VWA5B1: variants seen among roughly 807,000 people sequenced by gnomAD.
VWA5B1 encodes the protein von Willebrand factor A domain-containing protein 5B1.
VWA5B1 carries 115 observed loss-of-function variants against 118.2 expected under a neutral mutation model. The ratio of observed to expected loss-of-function variants is 0.97; its 90% CI spans 0.84 to 1.14. VWA5B1 has a LOEUF of 1.14. Ranked by LOEUF, VWA5B1 falls within the 50% of genes most tolerant of loss-of-function variation. VWA5B1 has a pLI of 0.00. For missense variants in VWA5B1, 1,596 were observed against 1,603.8 expected, an observed-to-expected ratio of 1.00 and a Z score of 0.08; for synonymous variants, 682 against 658.4, an observed-to-expected ratio of 1.04 and a Z score of -0.55.
intron 21 of VWA5B1, among the ~76,000 whole-genome samples, chr1:20,352,643 GTGGGCT>G (rs916207943): frequency 2.0e-5 from 3 of 152,192 alleles, no homozygotes; most frequent in Non-Finnish European, 2.9e-5. Flanking sequence ...CAGGTCTGGA[GTGGGCT>G]TCTCTGAATT....
At chr1:20,348,642 A>G (rs918025093) in intron 18 of VWA5B1, among the ~76,000 whole-genome samples, 2 of 152,162 alleles carry the variant, frequency 1.3e-5, no homozygotes, top group Non-Finnish European at 2.9e-5. Context: ...AGGTCTGCTG[A>G]CCCTGGTGCT....
intron 8 of VWA5B1, among the ~76,000 whole-genome samples, chr1:20,326,383 G>C (rs1026013723): frequency 5.9e-5 from 9 of 152,192 alleles, no homozygotes; most frequent in Middle Eastern, 6.8e-3. Flanking sequence ...GGGGGACATG[G>C]GGGTGAGGGG....
At chr1:20,351,147 T>C (rs565812590) in intron 20 of VWA5B1, among the ~76,000 whole-genome samples, 2 of 152,364 alleles carry the variant, frequency 1.3e-5, no homozygotes, top group South Asian at 2.1e-4. Context: ...CCAAGATCTC[T>C]TTCCAAATGC....
At chr1:20,309,246 G>A (rs534323152) in intron 1 of VWA5B1, among the ~76,000 whole-genome samples, 8 of 152,212 alleles carry the variant, frequency 5.3e-5, no homozygotes, top group African/African-American at 1.2e-4. Flanking sequence ...CGTGTGTAGC[G>A]CCTATGCTCA....
At chr1:20,332,620 A>C (rs772893292) in intron 11 of VWA5B1, 146 bp from the exon 12 acceptor site, 4 of 624,770 alleles carry the variant, frequency 6.4e-6, no homozygotes, top group Non-Finnish European at 1.0e-5. Context: ...GAAGCTCAGA[A>C]GTGTGCTCAG....
chr1:20,330,559 G>A (rs1216728166), intron 10 of VWA5B1, among the ~76,000 whole-genome samples, 177 bp downstream of exon 10: 3 of 152,230 alleles, frequency 2.0e-5, no homozygotes, highest in Non-Finnish European at 2.9e-5. Flanking sequence ...TCCCTCTCAA[G>A]TTCTGAATGG....
chr1:20,310,756 G>T lies in VWA5B1; in HGVS notation c.139+16G>T. ...CCCTTCCAGGGTAAGGACACCTGCT[G>T]GGGCCTCCCCGGGACCACCCCCTCC... On this transcript the variant is annotated intron_variant, in intron 2 of 21. Transcript: ENST00000289815. The T allele has an allele frequency of 6.5e-7, 1 of 1,530,946 alleles. No homozygotes were observed. Among genetic ancestry groups the T allele is most frequent in the Non-Finnish European group, 8.8e-7 (1 of 1,138,930 alleles). The allele number at this position is 1,530,946 out of a possible 1,614,324, so 94.8% of individuals were successfully genotyped here.
intron 16 of VWA5B1, among the ~76,000 whole-genome samples, 183 bp downstream of exon 16, chr1:20,343,576 T>C (rs2089938539): frequency 9.3e-6 from 1 of 107,784 alleles, no homozygotes. Flanking sequence ...CCGCCTACTC[T>C]CCCTATGACC....
chr1:20,350,379 A>G (rs1301561177), intron 19 of VWA5B1, 149 bp downstream of exon 19: 7 of 901,538 alleles, frequency 7.8e-6, no homozygotes, highest in East Asian at 5.3e-5. Context: ...ATTATCCCCA[A>G]TTGAAAGATG....
intron 1 of VWA5B1, among the ~76,000 whole-genome samples, chr1:20,303,569 G>A (rs779465662): frequency 1.2e-4 from 19 of 152,100 alleles, no homozygotes; most frequent in Non-Finnish European, 2.2e-4. Context: ...TCAAGAATAC[G>A]CAAAATGTGA....
In VWA5B1 at chr1:20,336,505, T is replaced by G. The variant is rs542409154; in HGVS notation, c.1942+19T>G. ...AAGCACGGTTCGTCTGCGGCTCTGA[T>G]GATTGCTGCCTTACATTGAGCACTT... is the stretch of plus-strand genomic sequence containing the variant. On this transcript the variant is annotated intron_variant, in intron 13 of 21. Transcript: ENST00000289815. 15 of 1,348,570 alleles carry G rather than the reference T, an allele frequency of 1.1e-5. No individual in the cohort carries two copies. The highest frequency in any genetic ancestry group is 5.8e-5 in the East Asian group (2 of 34,728). 83.5% of individuals were successfully genotyped at this position (1,348,570 alleles called of 1,614,324 possible). A position where few individuals can be genotyped will look rare whatever the true frequency, so the allele number is the denominator to read the frequency against.
chr1:20,310,543 C>T, intron 1 of VWA5B1, 33 bp from the exon 2 acceptor site: 1 of 1,457,612 alleles, frequency 6.9e-7, no homozygotes, highest in Non-Finnish European at 9.1e-7. Context: ...GGGGGAGCCT[C>T]TTCCCACTTC....
chr1:20,297,147 TTACTCCCTTTG>T (rs2088420100), intron 1 of VWA5B1, among the ~76,000 whole-genome samples: 1 of 152,200 alleles, frequency 6.6e-6, no homozygotes, highest in Non-Finnish European at 1.5e-5. Context: ...CTTCCACCTC[TTACTCCCTTTG>T]GATACCATGG....
intron 7 of VWA5B1, among the ~76,000 whole-genome samples, chr1:20,320,548 C>T (rs1366380677): frequency 6.6e-6 from 1 of 152,198 alleles, no homozygotes; most frequent in East Asian, 1.9e-4. Context: ...CCAGTGGGGC[C>T]CAGTGGGCCT....
Position 20,356,644 on chromosome 1 carries a change from C to T in VWA5B1, c.*2381C>T, listed in dbSNP as rs921958668. ...GGTGGTGGGCATGCCACCCACTTCT[C>T]TAGGAAAGTTCCTCAGACTGCTCCC... On this transcript the variant is annotated 3_prime_UTR_variant, in exon 22 of 22. Coordinates refer to ENST00000289815, the MANE Select transcript of VWA5B1 (RefSeq NM_001039500.3). Among the ~76,000 whole-genome samples the T allele has an allele frequency of 2.0e-5, 3 of 152,330 alleles. No homozygotes were observed. The highest frequency in any genetic ancestry group is 6.5e-5 in the Admixed American group (1 of 15,306).
rs1423605071 is a variant in VWA5B1, at chr1:20,323,509, G to A, written c.1120G>A (p.Gly374Arg). ...FLIDRSSSMS[G>R]ISMHRVKDAM... ...CATTGACAGGAGCAGCAGCATGAGC[G>A]GGATCAGCATGCACCGAGTCAAGGT... The change falls in exon 8 of 22, where the codon GGG becomes AGG. Residue 374 changes from glycine (G) to arginine (R), a missense_variant. Gly to Arg is a moderately radical substitution (Grantham distance 125, BLOSUM62 -2). Coordinates refer to ENST00000289815, the MANE Select transcript of VWA5B1 (RefSeq NM_001039500.3). 10 of 1,510,048 alleles carry A rather than the reference G, an allele frequency of 6.6e-6. No homozygotes were observed. The highest frequency in any genetic ancestry group is 2.8e-5 in the African/African-American group (2 of 71,222). The allele number at this position is 1,510,048 out of a possible 1,614,324, so 93.5% of individuals were successfully genotyped here.
At chr1:20,323,878 G>A (rs967003885) in intron 8 of VWA5B1, among the ~76,000 whole-genome samples, 3 of 152,214 alleles carry the variant, frequency 2.0e-5, no homozygotes, top group African/African-American at 2.4e-5. Flanking sequence ...TGGATACGGT[G>A]CTAGCCACTT....
intron 13 of VWA5B1, 100 bp from the exon 14 acceptor site, chr1:20,337,546 G>A: frequency 4.5e-6 from 6 of 1,326,140 alleles, no homozygotes; most frequent in Non-Finnish European, 5.1e-6. Context: ...TAGGCAAGAG[G>A]TGGAGAACGT....
At chr1:20,317,406 G>A (rs536193005) in intron 4 of VWA5B1, 124 bp from the exon 5 acceptor site, 834 of 1,304,172 alleles carry the variant, frequency 6.4e-4, no homozygotes, top group Non-Finnish European at 8.2e-4. Context: ...GGGAGAGCAC[G>A]GGTCTGGGGG....
Sources: allele counts gnomAD v4.1 joint callset (sites outside exome capture counted in the v4.1 genomes callset), GRCh38; gene constraint gnomAD v4.1.1; transcripts MANE v1.5; gene names NCBI Gene and HGNC (gene_info 2026-07-23, HGNC 2026-07-21).